The following KIF6 variants were observed in gnomAD, a reference collection of about 807,000 sequenced individuals.
KIF6 encodes kinesin family member 6.
Under a neutral mutation model 112.7 loss-of-function variants are expected in KIF6, and 106 were observed. The ratio of observed to expected loss-of-function variants is 0.94; its 90% CI spans 0.80 to 1.11. KIF6 has a LOEUF of 1.11. KIF6 is among the 50% of genes least tolerant of loss of function. The pLI is 0.00. For synonymous variants in KIF6, 339 were observed against 339.9 expected, an observed-to-expected ratio of 1.00 and a Z score of 0.03; for missense variants, 929 against 964.0, an observed-to-expected ratio of 0.96 and a Z score of 0.48.
rs1383536848 is a variant in KIF6, at chr6:39,330,675, G to A, written c.*5857C>T. 1 of 152,180 alleles carries A rather than the reference G, an allele frequency of 6.6e-6. No homozygotes were observed. The highest frequency in any genetic ancestry group is 2.4e-5 in the African/African-American group (1 of 41,426). The allele number at this position is 152,180 out of a possible 1,614,324, so 9.4% of individuals were successfully genotyped here. A position where few individuals can be genotyped will look rare whatever the true frequency, so the allele number is the denominator to read the frequency against. ...GTTCCCTCTCAGTGTGGGTGAAACT[G>A]GCTCAGCCCTGCTGGCTGGCACGAG... is the stretch of plus-strand genomic sequence containing the variant. On this transcript the variant is annotated 3_prime_UTR_variant, in exon 23 of 23. Coordinates refer to ENST00000287152, the MANE Select transcript of KIF6 (RefSeq NM_145027.6).
At chr6:39,552,305 C>G (rs970531967) in intron 10 of KIF6, among the ~76,000 whole-genome samples, 9 of 152,198 alleles carry the variant, frequency 5.9e-5, no homozygotes, top group Non-Finnish European at 8.8e-5. Context: ...GTCTGGTTCT[C>G]TTTATACCCG....
At chr6:39,605,128 C>T (rs1782813808) in intron 6 of KIF6, among the ~76,000 whole-genome samples, 1 of 152,096 alleles carries the variant, frequency 6.6e-6, no homozygotes, top group African/African-American at 2.4e-5. Context: ...ATATCCTCCA[C>T]AAGCATTAAG....
intron 15 of KIF6, among the ~76,000 whole-genome samples, chr6:39,391,268 G>A (rs1767867960): frequency 1.3e-5 from 2 of 152,202 alleles, no homozygotes; most frequent in Non-Finnish European, 2.9e-5. Context: ...AAGTAGGAAG[G>A]TAACTAAAAC....
At chr6:39,687,395 G>A (rs1787937687) in intron 3 of KIF6, among the ~76,000 whole-genome samples, 1 of 152,160 alleles carries the variant, frequency 6.6e-6, no homozygotes, top group African/African-American at 2.4e-5. Context: ...GCCTTTGAGA[G>A]TTCATATTTT....
chr6:39,612,271 C>G (rs146009955), intron 6 of KIF6, among the ~76,000 whole-genome samples: 1 of 152,298 alleles, frequency 6.6e-6, no homozygotes, highest in East Asian at 1.9e-4. Context: ...CTATGCCTAC[C>G]TAATACTTGT....
intron 15 of KIF6, among the ~76,000 whole-genome samples, chr6:39,390,009 C>T (rs910562855): frequency 9.4e-6 from 1 of 106,334 alleles, no homozygotes; most frequent in Non-Finnish European, 1.8e-5. Flanking sequence ...CCAGCCTGGG[C>T]AACAGAATGA....
intron 10 of KIF6, among the ~76,000 whole-genome samples, chr6:39,570,435 A>T (rs1780580555): frequency 6.6e-6 from 1 of 152,190 alleles, no homozygotes. Flanking sequence ...ATGTAAAAAT[A>T]CACTGGGGAG....
intron 16 of KIF6, 42 bp from the exon 17 acceptor site, chr6:39,362,560 T>C (rs995492264): frequency 7.2e-7 from 1 of 1,393,966 alleles, no homozygotes; most frequent in East Asian, 2.3e-5. Context: ...GAAAGAAGGG[T>C]AAAAGGAAGA....
intron 22 of KIF6, among the ~76,000 whole-genome samples, chr6:39,339,443 GGGAGGGTTTCTGAACACAGAAGAGAGCT>G (rs1473946611): frequency 6.6e-6 from 1 of 152,182 alleles, no homozygotes; most frequent in East Asian, 1.9e-4. Flanking sequence ...CTCTTTCCCT[GGGAGGGTTTCTGAACACAGAAGAGAGCT>G]GGAGGGTTTC....
At chr6:39,608,747 G>A (rs1475742284) in intron 6 of KIF6, among the ~76,000 whole-genome samples, 2 of 152,150 alleles carry the variant, frequency 1.3e-5, no homozygotes, top group East Asian at 1.9e-4. Context: ...GATGTTCTCA[G>A]TACTCACTAA....
intron 3 of KIF6, among the ~76,000 whole-genome samples, chr6:39,644,149 T>C (rs954130557): frequency 8.5e-6 from 1 of 117,158 alleles, no homozygotes; most frequent in Non-Finnish European, 1.6e-5. Flanking sequence ...CACCCACTAG[T>C]ATGGCTAAAA....
intron 13 of KIF6, among the ~76,000 whole-genome samples, chr6:39,446,293 C>T (rs1772309455): frequency 6.6e-6 from 1 of 152,134 alleles, no homozygotes; most frequent in Admixed American, 6.5e-5. Context: ...TTAGAACTAT[C>T]CAATGCCTTT....
At chr6:39,712,517 G>T (rs895585696) in intron 3 of KIF6, among the ~76,000 whole-genome samples, 1 of 152,064 alleles carries the variant, frequency 6.6e-6, no homozygotes, top group Non-Finnish European at 1.5e-5. Flanking sequence ...CCTTCATGGA[G>T]CTTTGTTTTA....
At chr6:39,481,476 C>T (rs1774795627) in intron 13 of KIF6, among the ~76,000 whole-genome samples, 1 of 152,174 alleles carries the variant, frequency 6.6e-6, no homozygotes, top group African/African-American at 2.4e-5. Context: ...AAATTTAAAA[C>T]TCCTTCAGGG....
chr6:39,642,826 A>C (rs966173457), intron 3 of KIF6, among the ~76,000 whole-genome samples: 6 of 152,150 alleles, frequency 3.9e-5, no homozygotes, highest in African/African-American at 1.4e-4. Context: ...TGAGAAGGGC[A>C]TTATAACTCA....
At chr6:39,416,572 A>G (rs1769937873) in intron 15 of KIF6, among the ~76,000 whole-genome samples, 1 of 152,214 alleles carries the variant, frequency 6.6e-6, no homozygotes, top group Non-Finnish European at 1.5e-5. Context: ...TGGCGTCTAG[A>G]GAAAGACAAA....
intron 13 of KIF6, among the ~76,000 whole-genome samples, chr6:39,495,999 G>A (rs1351978819): frequency 6.6e-6 from 1 of 152,180 alleles, no homozygotes; most frequent in Non-Finnish European, 1.5e-5. Flanking sequence ...AGGCTGCTGT[G>A]GTCTGGAGAA....
At chr6:39,531,908 C>T (rs1029594399) in intron 13 of KIF6, among the ~76,000 whole-genome samples, 4 of 152,150 alleles carry the variant, frequency 2.6e-5, no homozygotes, top group East Asian at 1.9e-4. Context: ...ATCAACCTGT[C>T]GTCCCAGCCT....
rs925349049 is a variant in KIF6 at position 39,652,826 on chromosome 6, T to C, written c.252-13069A>G. Among the ~76,000 whole-genome samples, 5 of 152,276 alleles carry C rather than the reference T, an allele frequency of 3.3e-5. No homozygotes were observed. In the South Asian group the frequency reaches 1.0e-3, roughly 32 times the overall value. Reference sequence around the variant, plus strand: ...AGAGTAATACCAAAGTCTATTTGATTCTAAATATAATATTCTTTCTACTAC... The same window carrying C: ...AGAGTAATACCAAAGTCTATTTGATCCTAAATATAATATTCTTTCTACTAC... On this transcript the variant is annotated intron_variant, in intron 3 of 22. Coordinates refer to ENST00000287152, the MANE Select transcript of KIF6 (RefSeq NM_145027.6).
Sources: allele counts gnomAD v4.1 joint callset (sites outside exome capture counted in the v4.1 genomes callset), GRCh38; gene constraint gnomAD v4.1.1; transcripts MANE v1.5; gene names NCBI Gene and HGNC (gene_info 2026-07-23, HGNC 2026-07-21).